Variants in DBI observed in about 807,000 individuals in gnomAD.
DBI encodes the protein diazepam binding inhibitor, acyl-CoA binding protein.
DBI carries 12 observed loss-of-function variants against 13.0 expected under a neutral mutation model. The observed-to-expected ratio is 0.92, with a 90% CI of 0.59 to 1.49. The LOEUF (loss-of-function observed/expected upper bound fraction) is 1.49. DBI is among the 40% of genes most tolerant of loss of function. The pLI, the probability that DBI is intolerant of heterozygous loss-of-function variation, is 0.00. For synonymous variants in DBI, 37 were observed against 37.4 expected, an observed-to-expected ratio of 0.99 and a Z score of 0.04; for missense variants, 95 against 104.8, an observed-to-expected ratio of 0.91 and a Z score of 0.41.
intron 3 of DBI, 128 bp from the exon 4 acceptor site, chr2:119,372,117 G>C: frequency 1.5e-6 from 1 of 685,768 alleles, no homozygotes; most frequent in Non-Finnish European, 2.6e-6. Context: ...GTAATTAGTA[G>C]AATCTCAACT....
At chr2:119,367,507 G>C in intron 1 of DBI, 12 of 1,601,860 alleles carry the variant, frequency 7.5e-6, no homozygotes, top group Non-Finnish European at 1.0e-5. Flanking sequence ...GCGGGACGAG[G>C]AGAATCGCGG....
At position 119,372,408 on chromosome 2, in the gene DBI, G is replaced by C; in HGVS notation, c.*90G>C. The C allele has an allele frequency of 9.7e-7, 1 of 1,028,822 alleles. No homozygotes were observed. The highest frequency in any genetic ancestry group is 2.5e-5 in the East Asian group (1 of 40,446). 63.7% of individuals were successfully genotyped at this position (1,028,822 alleles called of 1,614,324 possible). On this transcript the variant is annotated 3_prime_UTR_variant, in exon 4 of 4. Coordinates refer to ENST00000355857, the MANE Select transcript of DBI (RefSeq NM_001079862.4). Reference sequence around the variant, plus strand: ...TAATACCGTGGATGGTGGGAATTCGGGAAAATAACCAGTTAAACCAGCTAC... The same window carrying C: ...TAATACCGTGGATGGTGGGAATTCGCGAAAATAACCAGTTAAACCAGCTAC...
chr2:119,368,409 A>AGGGC, intron 2 of DBI, 104 bp downstream of exon 2: 1 of 813,304 alleles, frequency 1.2e-6, no homozygotes, highest in Non-Finnish European at 2.1e-6. Context: ...CTGAGGCCCT[A>AGGGC]CTCTTCAGGT....
chr2:119,368,056 T>G, intron 1 of DBI, 132 bp from the exon 2 acceptor site: 1 of 1,519,434 alleles, frequency 6.6e-7, no homozygotes, highest in Non-Finnish European at 9.1e-7. Flanking sequence ...CTTCAGGGGC[T>G]GCATTGCCCG....
chr2:119,368,431 A>G (rs1681251098), intron 2 of DBI, 126 bp downstream of exon 2: 5 of 721,446 alleles, frequency 6.9e-6, no homozygotes, highest in Non-Finnish European at 1.2e-5. Flanking sequence ...GGGTATGGTG[A>G]TGGTTCCTGA....
chr2:119,371,636 AACTGGG>A (rs1381652343), intron 3 of DBI, among the ~76,000 whole-genome samples: 105 of 152,358 alleles, frequency 6.9e-4, no homozygotes, highest in Non-Finnish European at 1.4e-3. Flanking sequence ...GAATCCAGGA[AACTGGG>A]TGTCACTGTC....
chr2:119,367,851 C>T (rs1239561229), intron 1 of DBI: 33 of 1,613,700 alleles, frequency 2.0e-5, no homozygotes, highest in Middle Eastern at 1.7e-4. Flanking sequence ...GCTGCTTCTC[C>T]CGCAGAGGGG....
intron 2 of DBI, 33 bp from the exon 3 acceptor site, chr2:119,370,683 TCAAGTTCTCCATTAGAATTTGAAC>T: frequency 1.3e-6 from 2 of 1,523,406 alleles, no homozygotes; most frequent in East Asian, 2.3e-5. Flanking sequence ...AGAAGGTTGA[TCAAGTTCTCCATTAGAATTTGAAC>T]CAGATCTAAT....
chr2:119,368,019 C>T (rs1252123879), intron 1 of DBI, 169 bp from the exon 2 acceptor site: 33 of 1,596,998 alleles, frequency 2.1e-5, no homozygotes, highest in Non-Finnish European at 2.7e-5. Context: ...TCTAGCTGCC[C>T]TGTTGGGGCA....
chr2:119,368,058 C>T (rs1463782907), intron 1 of DBI, 130 bp from the exon 2 acceptor site: 7 of 1,515,952 alleles, frequency 4.6e-6, no homozygotes, highest in Non-Finnish European at 3.7e-6. Context: ...TCAGGGGCTG[C>T]ATTGCCCGAA....
At chr2:119,367,513 C>A (rs1681114742) in intron 1 of DBI, 3 of 1,601,454 alleles carry the variant, frequency 1.9e-6, no homozygotes, top group South Asian at 1.1e-5. Context: ...CGAGGAGAAT[C>A]GCGGCCCGGG....
At chr2:119,368,672 G>T in intron 2 of DBI, 1 of 196,456 alleles carries the variant, frequency 5.1e-6, no homozygotes, top group Non-Finnish European at 1.1e-5. Context: ...GCACTTTTTG[G>T]AGCACTTGAC....
At chr2:119,367,499 G>C (rs1387723462) in intron 1 of DBI, 3 of 1,599,932 alleles carry the variant, frequency 1.9e-6, no homozygotes, top group Admixed American at 1.7e-5. Context: ...CTCAGAGTGC[G>C]GGACGAGGAG....
chr2:119,369,169 T>C (rs1242168806), intron 2 of DBI, among the ~76,000 whole-genome samples: 1 of 152,190 alleles, frequency 6.6e-6, no homozygotes, highest in Non-Finnish European at 1.5e-5. Context: ...GAAGGTCTTA[T>C]GGCGAAGGTG....
rs2104672363 is a variant in DBI, at chr2:119,366,984, T to C, written c.-68T>C. 1 of 1,606,920 alleles carries C rather than the reference T, an allele frequency of 6.2e-7. No individual in the cohort carries two copies. Among genetic ancestry groups the C allele is most frequent in the East Asian group, 2.2e-5 (1 of 44,770 alleles). ...CCTCTAAAGGCGCTTGCCAGTGCAA[T>C]CTGGGCGATCGCTTCCTGGTCCTCG... On this transcript the variant is annotated 5_prime_UTR_variant, in exon 1 of 4. Coordinates refer to ENST00000355857, the MANE Select transcript of DBI (RefSeq NM_001079862.4).
intron 3 of DBI, among the ~76,000 whole-genome samples, chr2:119,371,644 G>A (rs1681524170): frequency 6.6e-6 from 1 of 152,182 alleles, no homozygotes; most frequent in South Asian, 2.1e-4. Context: ...GAAACTGGGT[G>A]TCACTGTCTC....
chr2:119,371,379 G>A (rs1053865730), intron 3 of DBI, among the ~76,000 whole-genome samples: 22 of 152,338 alleles, frequency 1.4e-4, no homozygotes, highest in African/African-American at 3.4e-4. Context: ...GCTCCTGGCA[G>A]CATTAGTGTT....
intron 1 of DBI, 78 bp downstream of exon 1, chr2:119,367,138 C>A (rs749559520): frequency 1.9e-6 from 3 of 1,593,934 alleles, no homozygotes; most frequent in South Asian, 2.3e-5. Context: ...CTGCCAGAAG[C>A]TCTCGGGCTC....
chr2:119,372,016 C>G (rs563538402), intron 3 of DBI, among the ~76,000 whole-genome samples: 2 of 152,210 alleles, frequency 1.3e-5, no homozygotes, highest in African/African-American at 4.8e-5. Flanking sequence ...AGCAGATGGG[C>G]GACAGATCTT....
Sources: allele counts gnomAD v4.1 joint callset (sites outside exome capture counted in the v4.1 genomes callset), GRCh38; gene constraint gnomAD v4.1.1; transcripts MANE v1.5; gene names NCBI Gene and HGNC (gene_info 2026-07-23, HGNC 2026-07-21).